KALRN: variants seen among roughly 807,000 people sequenced by gnomAD.
KALRN encodes the protein kalirin RhoGEF kinase, also known as kalirin.
In KALRN, 70 loss-of-function variants were observed where a neutral mutation model predicts 353.7. The ratio of observed to expected loss-of-function variants is 0.20; its 90% CI spans 0.16 to 0.24. The LOEUF (loss-of-function observed/expected upper bound fraction) is 0.24. Among genes scored for constraint, KALRN ranks in the 10% least tolerant of loss-of-function variants. The pLI, the probability that KALRN is intolerant of heterozygous loss-of-function variation, is 1.00. For missense variants in KALRN, 2,791 were observed against 3,756.7 expected (o/e 0.74, Z 6.72); for synonymous variants, 1,391 against 1,434.8 (o/e 0.97, Z 0.69).
At chr3:124,525,198 A>G (rs1171829289) in intron 33 of KALRN, among the ~76,000 whole-genome samples, 1 of 152,220 alleles carries the variant, frequency 6.6e-6, no homozygotes, top group Non-Finnish European at 1.5e-5. Flanking sequence ...GGATGTGGAC[A>G]TGGATAATGG....
At chr3:124,460,100 A>G (rs1023993931) in intron 23 of KALRN, among the ~76,000 whole-genome samples, 7 of 152,156 alleles carry the variant, frequency 4.6e-5, no homozygotes, top group Admixed American at 4.6e-4. Context: ...ATCCCAGAAT[A>G]TATGCCTGTA....
rs766315677 is a variant in KALRN, at chr3:124,376,934, A to C, written c.1771-7911A>C. ...GGAGTGTATTGCAAAAGAAAAAAAA[A>C]GGCTGTTGCACGTGCACAATTACAA... is the stretch of plus-strand genomic sequence containing the variant. On this transcript the variant is annotated intron_variant, in intron 10 of 59. Transcript: ENST00000682506. 4.9e-4 allele frequency among the ~76,000 whole-genome samples: 74 copies of C among 152,328 alleles called. 1 individual carries two copies. The highest frequency in any genetic ancestry group is 8.1e-4 in the Non-Finnish European group (55 of 68,022).
At chr3:124,640,060 A>G (rs626084) in intron 37 of KALRN, among the ~76,000 whole-genome samples, 36,010 of 151,958 alleles carry the variant, frequency 0.24, 4,574 homozygotes, top group East Asian at 0.47. Context: ...CCTATTCCTT[A>G]TCAGTTCTTC....
chr3:124,540,781 T>C (rs1035616247), intron 33 of KALRN, among the ~76,000 whole-genome samples: 8 of 152,212 alleles, frequency 5.3e-5, no homozygotes, highest in African/African-American at 1.7e-4. Context: ...GGGCACCACT[T>C]ACCAAAACTA....
At chr3:124,521,674 A>T (rs1318976721) in intron 33 of KALRN, among the ~76,000 whole-genome samples, 2 of 152,222 alleles carry the variant, frequency 1.3e-5, no homozygotes, top group Admixed American at 1.3e-4. Context: ...AGTATAGTGA[A>T]CTAAATCCCT....
chr3:124,454,350 G>A (rs895122577), intron 21 of KALRN, among the ~76,000 whole-genome samples: 2 of 152,168 alleles, frequency 1.3e-5, no homozygotes, highest in Admixed American at 1.3e-4. Context: ...GCCTCTCTAA[G>A]CCTCAGATTT....
intron 1 of KALRN, among the ~76,000 whole-genome samples, chr3:124,050,274 C>T (rs2040903203): frequency 1.3e-5 from 2 of 152,226 alleles, no homozygotes; most frequent in Admixed American, 6.5e-5. Flanking sequence ...CCTCTTAGTC[C>T]TGACTCCAGG....
intron 14 of KALRN, among the ~76,000 whole-genome samples, chr3:124,418,319 C>T (rs987188585): frequency 2.6e-5 from 4 of 152,074 alleles, no homozygotes; most frequent in East Asian, 3.9e-4. Flanking sequence ...TGTCTGGGCT[C>T]CATCCCTCAG....
intron 32 of KALRN, among the ~76,000 whole-genome samples, chr3:124,495,987 A>ATG (rs2063748699): frequency 2.0e-5 from 1 of 51,280 alleles, no homozygotes; most frequent in Non-Finnish European, 3.3e-5. Flanking sequence ...ATATATATAT[A>ATG]TATATATATA....
At chr3:124,475,174 T>C (rs1327258552) in intron 26 of KALRN, among the ~76,000 whole-genome samples, 1 of 152,354 alleles carries the variant, frequency 6.6e-6, no homozygotes, top group African/African-American at 2.4e-5. Context: ...AAGCACATCA[T>C]GGAGAATGGG....
intron 1 of KALRN, among the ~76,000 whole-genome samples, chr3:124,182,098 T>C (rs981698453): frequency 2.6e-5 from 4 of 152,348 alleles, no homozygotes; most frequent in African/African-American, 9.6e-5. Flanking sequence ...CTGGAAGACA[T>C]TAGTTGGTCA....
At chr3:124,587,698 C>CT (rs529810541) in intron 34 of KALRN, among the ~76,000 whole-genome samples, 8,486 of 75,770 alleles carry the variant, frequency 0.11, 2,053 homozygotes, top group African/African-American at 0.34. Flanking sequence ...CCACCCTCCA[C>CT]TTTTTTTTTT....
chr3:124,419,733 G>A (rs1380561756), intron 14 of KALRN, among the ~76,000 whole-genome samples: 1 of 152,164 alleles, frequency 6.6e-6, no homozygotes, highest in Non-Finnish European at 1.5e-5. Context: ...ATGGGCACAG[G>A]AAATTGTGGG....
At chr3:124,389,509 C>G (rs2149998057) in intron 11 of KALRN, among the ~76,000 whole-genome samples, 1 of 152,238 alleles carries the variant, frequency 6.6e-6, no homozygotes, top group Admixed American at 6.5e-5. Context: ...ATTGTAGGAG[C>G]CGAGAGGGTT....
intron 6 of KALRN, among the ~76,000 whole-genome samples, chr3:124,317,643 A>C (rs570368653): frequency 6.8e-6 from 1 of 146,258 alleles, no homozygotes; most frequent in Non-Finnish European, 1.5e-5. Flanking sequence ...GAAGGGCCTG[A>C]AATACTGTAT....
chr3:124,205,886 C>T (rs1479105565), intron 1 of KALRN, among the ~76,000 whole-genome samples: 4 of 152,152 alleles, frequency 2.6e-5, no homozygotes, highest in Admixed American at 6.5e-5. Flanking sequence ...TTTCCCCTCC[C>T]CTGTGCTCAT....
chr3:124,047,859 T>C (rs2040654797), intron 1 of KALRN, among the ~76,000 whole-genome samples: 3 of 152,072 alleles, frequency 2.0e-5, no homozygotes, highest in Admixed American at 6.5e-5. Flanking sequence ...TAATGCTGGC[T>C]AACTGTAGAC....
In KALRN at chr3:124,121,014, A is replaced by G. The variant is rs377419175; in HGVS notation, c.73+87201A>G. On this transcript the variant is annotated intron_variant, in intron 1 of 59. Coordinates refer to ENST00000682506, the MANE Select transcript of KALRN (RefSeq NM_001388419.1). ...GAAGCTGAGGCATGAGAATTGCTTG[A>G]ACCCGAGAGGCAGATGTTGCAGTGA... Among the ~76,000 whole-genome samples, 9 of 143,744 alleles carry G rather than the reference A, an allele frequency of 6.3e-5. 1 individual carries two copies. In the South Asian group the frequency reaches 1.1e-3, roughly 18 times the overall value. 94.3% of individuals were successfully genotyped at this position (143,744 alleles called of 152,430 possible).
chr3:124,072,506 C>T (rs2060066146), intron 1 of KALRN, among the ~76,000 whole-genome samples: 1 of 152,140 alleles, frequency 6.6e-6, no homozygotes, highest in Non-Finnish European at 1.5e-5. Context: ...GATCCTGGCC[C>T]AGGGTAATTT....
Sources: gnomAD v4.1 joint callset for allele counts (sites outside exome capture counted in the v4.1 genomes callset) on GRCh38, gnomAD v4.1.1 for gene constraint, MANE v1.5 for transcripts, NCBI Gene and HGNC (gene_info 2026-07-23, HGNC 2026-07-21) for gene names.